The following KYNU variants were observed in gnomAD, a reference collection of about 807,000 sequenced individuals.
KYNU encodes the protein L-kynurenine hydrolase.
In KYNU, 54 loss-of-function variants were observed where a neutral mutation model predicts 59.2. The observed-to-expected ratio is 0.91, with a 90% CI of 0.73 to 1.14. KYNU has a LOEUF of 1.14. Among genes scored for constraint, KYNU ranks in the 50% most tolerant of loss-of-function variants. The pLI is 0.00. For synonymous variants in KYNU, 177 were observed against 192.0 expected, an observed-to-expected ratio of 0.92 and a Z score of 0.65; for missense variants, 567 against 554.4, an observed-to-expected ratio of 1.02 and a Z score of -0.23.
intron 8 of KYNU, among the ~76,000 whole-genome samples, chr2:142,967,870 G>A (rs1684598251): frequency 1.3e-5 from 2 of 151,928 alleles, no homozygotes; most frequent in African/African-American, 4.8e-5. Flanking sequence ...AATAATACAT[G>A]GGATATCAGA....
chr2:142,926,655 G>A (rs1225908506), intron 3 of KYNU, among the ~76,000 whole-genome samples: 2 of 152,170 alleles, frequency 1.3e-5, no homozygotes, highest in Non-Finnish European at 2.9e-5. Flanking sequence ...TGGTAATGAA[G>A]CTATAGCTCC....
rs1172077302 is a variant in KYNU, at chr2:143,006,591, C to T, written c.902+20570C>T. ...GGCCTGCCTGCCTCTGTAGGCTCCACCTCTGGGGGCAGGGCACAGACAAAC... is the reference window on the plus strand; with the variant it reads ...GGCCTGCCTGCCTCTGTAGGCTCCATCTCTGGGGGCAGGGCACAGACAAAC... On this transcript the variant is annotated intron_variant, in intron 10 of 13. Transcript: ENST00000264170. Among the ~76,000 whole-genome samples, 4 of 133,290 alleles carry T rather than the reference C, an allele frequency of 3.0e-5. No homozygotes were observed. The South Asian group carries it at 9.0e-4, about 30-fold the overall frequency. 87.4% of individuals were successfully genotyped at this position (133,290 alleles called of 152,430 possible).
At chr2:142,991,662 T>C (rs985474183) in intron 10 of KYNU, among the ~76,000 whole-genome samples, 17 of 151,966 alleles carry the variant, frequency 1.1e-4, no homozygotes, top group Non-Finnish European at 2.9e-5. Context: ...TCTGCTCCAA[T>C]GGATGTGAGA....
intron 4 of KYNU, among the ~76,000 whole-genome samples, chr2:142,936,532 C>T (rs374805821): frequency 2.6e-5 from 4 of 152,006 alleles, no homozygotes; most frequent in Admixed American, 2.0e-4. Context: ...TGGAGGGAGA[C>T]GATAAAAGGA....
intron 10 of KYNU, among the ~76,000 whole-genome samples, chr2:143,014,907 G>T (rs537185881): frequency 6.6e-6 from 1 of 152,030 alleles, no homozygotes; most frequent in African/African-American, 2.4e-5. Context: ...TTTTGGGTTC[G>T]TTTAGAGACA....
rs184623411 is a variant in KYNU, at chr2:143,005,665, G to T, written c.902+19644G>T. The stretch of plus-strand genomic sequence containing the variant: ...ATTTGAATAGTACATTATTTCCCAA[G>T]TATTTTTGTTATGATTACCAAAGAG... On this transcript the variant is annotated intron_variant, in intron 10 of 13. Coordinates refer to ENST00000264170, the MANE Select transcript of KYNU (RefSeq NM_003937.3). Among the ~76,000 whole-genome samples the T allele has an allele frequency of 1.7e-3, 258 of 152,040 alleles. 1 individual carries two copies. Among genetic ancestry groups the T allele is most frequent in the Middle Eastern group, 3.4e-3 (1 of 294 alleles).
At chr2:142,949,211 G>A (rs542893380) in intron 4 of KYNU, among the ~76,000 whole-genome samples, 1 of 152,226 alleles carries the variant, frequency 6.6e-6, no homozygotes, top group African/African-American at 2.4e-5. Flanking sequence ...TTCATGGGCT[G>A]GTGTTGAGTA....
chr2:142,889,442 G>A (rs1233682611), intron 2 of KYNU, among the ~76,000 whole-genome samples: 1 of 152,130 alleles, frequency 6.6e-6, no homozygotes, highest in East Asian at 1.9e-4. Flanking sequence ...GTCAGTGCGT[G>A]AGCTTTCTAG....
intron 11 of KYNU, among the ~76,000 whole-genome samples, chr2:143,032,282 A>C (rs1408197332): frequency 1.8e-5 from 2 of 109,738 alleles, no homozygotes; most frequent in Non-Finnish European, 4.2e-5. Context: ...CATCTCAAAA[A>C]CAAAAACAAA....
chr2:142,902,052 T>C (rs1325810787), intron 2 of KYNU, among the ~76,000 whole-genome samples: 2 of 152,210 alleles, frequency 1.3e-5, no homozygotes, highest in East Asian at 3.8e-4. Context: ...AAGCAAACGA[T>C]TGTCTGACAG....
chr2:142,996,136 A>G (rs1685536558), intron 10 of KYNU, among the ~76,000 whole-genome samples: 1 of 151,968 alleles, frequency 6.6e-6, no homozygotes, highest in East Asian at 1.9e-4. Context: ...ATCCTACCAA[A>G]CTGACCTTAC....
chr2:142,899,025 G>T (rs1681979724), intron 2 of KYNU, among the ~76,000 whole-genome samples: 1 of 152,182 alleles, frequency 6.6e-6, no homozygotes, highest in South Asian at 2.1e-4. Context: ...GGAGTCAATG[G>T]TGGGTCTGAG....
At chr2:142,987,262 A>T (rs549542809) in intron 10 of KYNU, among the ~76,000 whole-genome samples, 8 of 151,880 alleles carry the variant, frequency 5.3e-5, no homozygotes, top group African/African-American at 1.9e-4. Flanking sequence ...GAAATAGAGG[A>T]TCTCATGTAT....
chr2:143,041,732 T>C (rs1490427618), intron 13 of KYNU, among the ~76,000 whole-genome samples: 1 of 151,482 alleles, frequency 6.6e-6, no homozygotes, highest in Non-Finnish European at 1.5e-5. Context: ...AGTCCTTCCA[T>C]GGGGTCCCCA....
chr2:142,969,793 C>G (rs1273390897), intron 8 of KYNU, among the ~76,000 whole-genome samples: 1 of 152,146 alleles, frequency 6.6e-6, no homozygotes, highest in East Asian at 1.9e-4. Context: ...GGCATAACAG[C>G]TAAACCTAGG....
rs147584174 is a variant in KYNU at position 142,907,988 on chromosome 2, A to G, written c.170-10621A>G. On this transcript the variant is annotated intron_variant, in intron 2 of 13. Transcript: ENST00000264170. ...TCCATCAAAACATATTGTTACTTCTAGGTTTCCTCTTCAATTTGCAAAAGG... is the reference window on the plus strand; with the variant it reads ...TCCATCAAAACATATTGTTACTTCTGGGTTTCCTCTTCAATTTGCAAAAGG... Among the ~76,000 whole-genome samples the G allele has an allele frequency of 7.7e-3, 1,177 of 152,372 alleles. 10 individuals carry two copies. Among genetic ancestry groups the G allele is most frequent in the Middle Eastern group, 0.02 (6 of 294 alleles).
intron 4 of KYNU, among the ~76,000 whole-genome samples, chr2:142,949,472 G>A (rs915700941): frequency 5.9e-5 from 9 of 152,314 alleles, no homozygotes; most frequent in South Asian, 4.1e-4. Flanking sequence ...CTAGGCAGAG[G>A]TGCCCAAACC....
At chr2:142,944,381 T>C (rs552337088) in intron 4 of KYNU, among the ~76,000 whole-genome samples, 104 of 152,302 alleles carry the variant, frequency 6.8e-4, no homozygotes, top group African/African-American at 2.4e-3. Context: ...AAAAATATGA[T>C]GTTCAATAAA....
At chr2:142,931,090 G>C (rs1343032712) in intron 4 of KYNU, among the ~76,000 whole-genome samples, 1 of 152,196 alleles carries the variant, frequency 6.6e-6, no homozygotes, top group Non-Finnish European at 1.5e-5. Flanking sequence ...CTTCCGGCCA[G>C]GGTAGCTGTC....
Sources: allele counts gnomAD v4.1 joint callset (sites outside exome capture counted in the v4.1 genomes callset), GRCh38; gene constraint gnomAD v4.1.1; transcripts MANE v1.5; gene names NCBI Gene and HGNC (gene_info 2026-07-23, HGNC 2026-07-21).